The following CADPS variants were observed in gnomAD, a reference collection of about 807,000 sequenced individuals.
The protein encoded by CADPS is calcium-dependent secretion activator 1.
Under a neutral mutation model 167.3 loss-of-function variants are expected in CADPS, and 57 were observed. The observed-to-expected ratio is 0.34, with a 90% CI of 0.28 to 0.42. CADPS has a LOEUF of 0.42. Among genes scored for constraint, CADPS ranks in the 20% least tolerant of loss-of-function variants. The pLI, the probability that CADPS is intolerant of heterozygous loss-of-function variation, is 1.00. For synonymous variants in CADPS, 676 were observed against 635.3 expected, an observed-to-expected ratio of 1.06 and a Z score of -0.96; for missense variants, 1,414 against 1,738.1, an observed-to-expected ratio of 0.81 and a Z score of 3.32.
At chr3:62,676,739 A>G (rs1223573804) in intron 3 of CADPS, among the ~76,000 whole-genome samples, 1 of 152,160 alleles carries the variant, frequency 6.6e-6, no homozygotes, top group Non-Finnish European at 1.5e-5. Flanking sequence ...ATATCAAATC[A>G]TGATGCCACA....
intron 28 of CADPS, among the ~76,000 whole-genome samples, chr3:62,415,704 T>C (rs2049929029): frequency 1.3e-5 from 2 of 152,272 alleles, no homozygotes; most frequent in African/African-American, 2.4e-5. Context: ...ACAAGTGCCA[T>C]ACAACAGATT....
intron 6 of CADPS, among the ~76,000 whole-genome samples, chr3:62,639,156 A>G (rs2066912349): frequency 6.6e-6 from 1 of 152,206 alleles, no homozygotes; most frequent in Non-Finnish European, 1.5e-5. Flanking sequence ...AAGTGTGATT[A>G]TAATTTTACT....
intron 10 of CADPS, among the ~76,000 whole-genome samples, chr3:62,553,028 T>C (rs2077559935): frequency 6.6e-6 from 1 of 152,048 alleles, no homozygotes; most frequent in Non-Finnish European, 1.5e-5. Flanking sequence ...GCCTGAAAAG[T>C]GAGCAATAAA....
At chr3:62,645,605 A>G in intron 6 of CADPS, 117 bp downstream of exon 6, 1 of 1,090,782 alleles carries the variant, frequency 9.2e-7, no homozygotes, top group South Asian at 1.8e-5. Flanking sequence ...AAAAATAAAC[A>G]AGGTTTATGT....
rs564012608 is a variant in CADPS at position 62,707,899 on chromosome 3, T to C, written c.889-45505A>G. Among the ~76,000 whole-genome samples, 27 of 145,820 alleles carry C rather than the reference T, an allele frequency of 1.9e-4. 1 individual carries two copies. Among genetic ancestry groups the C allele is most frequent in the African/African-American group, 6.3e-4 (25 of 39,428 alleles). ...TGAACAGTGTTGGTATAAGGAGAGT[T>C]TGGAGCACAGACACAGTACTGTTTT... On this transcript the variant is annotated intron_variant, in intron 3 of 29. Coordinates refer to ENST00000383710, the MANE Select transcript of CADPS (RefSeq NM_003716.4).
intron 6 of CADPS, among the ~76,000 whole-genome samples, chr3:62,603,523 C>G (rs2060263604): frequency 1.3e-5 from 2 of 152,198 alleles, no homozygotes; most frequent in African/African-American, 4.8e-5. Flanking sequence ...AGACCTGCAT[C>G]TCAGTGCTTA....
intron 1 of CADPS, among the ~76,000 whole-genome samples, chr3:62,847,347 A>C (rs1471231392): frequency 7.8e-6 from 1 of 128,002 alleles, no homozygotes; most frequent in Admixed American, 8.2e-5. Context: ...TTACATATGT[A>C]TACATGTGCC....
At chr3:62,436,852 G>A (rs544085529) in intron 28 of CADPS, among the ~76,000 whole-genome samples, 3 of 151,672 alleles carry the variant, frequency 2.0e-5, no homozygotes, top group South Asian at 2.1e-4. Flanking sequence ...GAAAGGGGAC[G>A]ATTGGAAAAG....
chr3:62,430,279 A>T (rs1243396642), intron 28 of CADPS, among the ~76,000 whole-genome samples: 1 of 152,204 alleles, frequency 6.6e-6, no homozygotes. Context: ...AAGCAAAGTA[A>T]TTAATTGTTA....
chr3:62,604,057 C>T (rs192750836), intron 6 of CADPS, among the ~76,000 whole-genome samples: 4 of 152,014 alleles, frequency 2.6e-5, no homozygotes, highest in Non-Finnish European at 2.9e-5. Flanking sequence ...GTCTCGATCT[C>T]CTGACCTCGT....
intron 21 of CADPS, among the ~76,000 whole-genome samples, chr3:62,484,685 G>T (rs188569487): frequency 2.0e-5 from 3 of 152,210 alleles, no homozygotes; most frequent in African/African-American, 7.2e-5. Flanking sequence ...ATGTGTGCAC[G>T]TCTCATCATT....
intron 6 of CADPS, among the ~76,000 whole-genome samples, chr3:62,637,721 G>A (rs1259260519): frequency 6.6e-6 from 1 of 152,196 alleles, no homozygotes; most frequent in Admixed American, 6.6e-5. Context: ...GAAAGGTAGG[G>A]TGGCAGAATG....
chr3:62,812,603 G>A (rs2152877158), intron 1 of CADPS, among the ~76,000 whole-genome samples: 1 of 152,324 alleles, frequency 6.6e-6, no homozygotes, highest in East Asian at 1.9e-4. Flanking sequence ...GGCATGTGCT[G>A]CTTCAGGCAA....
At chr3:62,825,451 G>T (rs1005741904) in intron 1 of CADPS, among the ~76,000 whole-genome samples, 2 of 152,074 alleles carry the variant, frequency 1.3e-5, no homozygotes, top group Admixed American at 6.6e-5. Flanking sequence ...CTGAAACTCC[G>T]GGCGTGGAGG....
intron 3 of CADPS, among the ~76,000 whole-genome samples, chr3:62,742,450 T>C (rs955664302): frequency 3.9e-5 from 6 of 152,008 alleles, no homozygotes; most frequent in Non-Finnish European, 8.8e-5. Context: ...TGGAACAGAA[T>C]AGAGAACCCA....
chr3:62,572,352 C>T (rs925687153), intron 8 of CADPS, among the ~76,000 whole-genome samples: 1 of 152,222 alleles, frequency 6.6e-6, no homozygotes, highest in East Asian at 1.9e-4. Context: ...CCCACTTCCA[C>T]TATTTCAGTC....
intron 4 of CADPS, among the ~76,000 whole-genome samples, chr3:62,662,027 G>A (rs2073352742): frequency 6.6e-6 from 1 of 152,190 alleles, no homozygotes; most frequent in African/African-American, 2.4e-5. Flanking sequence ...CCAGGAAAAT[G>A]TTTAAGTGGA....
chr3:62,743,661 C>T (rs2080812056), intron 3 of CADPS, among the ~76,000 whole-genome samples: 1 of 152,118 alleles, frequency 6.6e-6, no homozygotes, highest in African/African-American at 2.4e-5. Context: ...CTGAAGACTG[C>T]AGGGCTTTGT....
chr3:62,677,398 C>G (rs1409990675), intron 3 of CADPS, among the ~76,000 whole-genome samples: 1 of 152,096 alleles, frequency 6.6e-6, no homozygotes, highest in Non-Finnish European at 1.5e-5. Flanking sequence ...TCTATGATCT[C>G]TATAAGTTCT....
Sources: allele counts gnomAD v4.1 joint callset (sites outside exome capture counted in the v4.1 genomes callset), GRCh38; gene constraint gnomAD v4.1.1; transcripts MANE v1.5; gene names NCBI Gene and HGNC (gene_info 2026-07-23, HGNC 2026-07-21).